The following PIWIL2 variants were observed in gnomAD, a reference collection of about 807,000 sequenced individuals.
The protein encoded by PIWIL2 is piwi-like protein 2.
Under a neutral mutation model 116.5 loss-of-function variants are expected in PIWIL2, and 81 were observed. That is an observed-to-expected ratio of 0.70 (90% CI 0.58 to 0.84). The LOEUF is 0.84. PIWIL2 is among the 40% of genes least tolerant of loss of function. The pLI, the probability that PIWIL2 is intolerant of heterozygous loss-of-function variation, is 0.00. For missense variants in PIWIL2, 1,272 were observed against 1,212.3 expected, an observed-to-expected ratio of 1.05 and a Z score of -0.73; for synonymous variants, 489 against 429.5, an observed-to-expected ratio of 1.14 and a Z score of -1.71.
At chr8:22,355,101 CAAA>C (rs560160338) in intron 22 of PIWIL2, among the ~76,000 whole-genome samples, 1 of 141,088 alleles carries the variant, frequency 7.1e-6, no homozygotes, top group African/African-American at 2.8e-5. Context: ...ACAACAACAA[CAAA>C]AAAAAAACAG....
intron 6 of PIWIL2, among the ~76,000 whole-genome samples, chr8:22,285,075 T>C (rs1258029276): frequency 6.6e-6 from 1 of 152,226 alleles, no homozygotes; most frequent in African/African-American, 2.4e-5. Flanking sequence ...ACCTACTTAC[T>C]GTTTTTTTGT....
intron 7 of PIWIL2, among the ~76,000 whole-genome samples, chr8:22,288,270 C>T (rs1404841077): frequency 7.0e-6 from 1 of 142,862 alleles, no homozygotes; most frequent in Non-Finnish European, 1.5e-5. Flanking sequence ...TGCACTCCAG[C>T]CTGGGTGACA....
At chr8:22,314,257 G>C in intron 16 of PIWIL2, 71 bp from the exon 17 acceptor site, 2 of 710,428 alleles carry the variant, frequency 2.8e-6, no homozygotes, top group Non-Finnish European at 4.4e-6. Context: ...TCAGAATACT[G>C]CCAACTAGAG....
At chr8:22,322,640 T>C (rs1426259548) in intron 20 of PIWIL2, among the ~76,000 whole-genome samples, 4 of 150,392 alleles carry the variant, frequency 2.7e-5, no homozygotes, top group Non-Finnish European at 5.9e-5. Flanking sequence ...TTTCCTTTCC[T>C]TGTCCTGTCC....
rs1832229785 is a variant in PIWIL2 at position 22,346,491 on chromosome 8, CCTGAGTTGTA to C, written c.2404-6467_2404-6458del. Among the ~76,000 whole-genome samples the C allele has an allele frequency of 1.3e-5, 2 of 152,126 alleles. 1 individual carries two copies. The highest frequency in any genetic ancestry group is 2.9e-5 in the Non-Finnish European group (2 of 68,028). The stretch of plus-strand genomic sequence containing the variant: ...TATTTTGCCCAGCTTTTCCAGTTGT[CCTGAGTTGTA>C]GGGCTTCTCAGAATTCATGGTTCAC... On this transcript the variant is annotated intron_variant, in intron 20 of 22. Coordinates refer to ENST00000356766, the MANE Select transcript of PIWIL2 (RefSeq NM_018068.5).
intron 10 of PIWIL2, among the ~76,000 whole-genome samples, chr8:22,295,315 A>T (rs1289929329): frequency 6.8e-6 from 1 of 148,000 alleles, no homozygotes; most frequent in Non-Finnish European, 1.5e-5. Flanking sequence ...CTGGGGCTAC[A>T]GGCTTGTGCC....
chr8:22,279,631 G>A, intron 2 of PIWIL2, 47 bp downstream of exon 2: 3 of 1,520,186 alleles, frequency 2.0e-6, no homozygotes, highest in Non-Finnish European at 1.8e-6. Context: ...GCTTACCTGT[G>A]TGCCGTCAGA....
chr8:22,316,129 A>C lies in PIWIL2; in HGVS notation c.2209-116A>C, dbSNP rs1487910028. 4.9e-6 allele frequency: 3 copies of C among 618,506 alleles called. 1 individual carries two copies. The highest frequency in any genetic ancestry group is 8.7e-6 in the Non-Finnish European group (3 of 344,288). The allele number at this position is 618,506 out of a possible 1,614,324, so 38.3% of individuals were successfully genotyped here. On this transcript the variant is annotated intron_variant, in intron 18 of 22. Transcript: ENST00000356766. ...CTTTTTTTTTTCTTTCCCAGAACTT[A>C]CTTTCATGTATAAACAGTAAGGGGA...
At chr8:22,279,295 A>G (rs1296977003) in intron 1 of PIWIL2, 46 bp from the exon 2 acceptor site, 3 of 1,056,554 alleles carry the variant, frequency 2.8e-6, no homozygotes, top group Middle Eastern at 2.0e-4. Context: ...GTCTTGAAGG[A>G]AAAGGAAAAC....
At chr8:22,283,598 A>G (rs933000183) in intron 5 of PIWIL2, among the ~76,000 whole-genome samples, 2 of 152,146 alleles carry the variant, frequency 1.3e-5, no homozygotes, top group East Asian at 1.9e-4. Flanking sequence ...TTTAGTAGAG[A>G]TGGGGTCTCA....
intron 16 of PIWIL2, among the ~76,000 whole-genome samples, chr8:22,312,298 C>T (rs1280640722): frequency 6.6e-6 from 1 of 151,374 alleles, no homozygotes; most frequent in Non-Finnish European, 1.5e-5. Flanking sequence ...TAGGATTTTA[C>T]TCTGTCACCC....
intron 14 of PIWIL2, among the ~76,000 whole-genome samples, chr8:22,308,644 A>C (rs1586563667): frequency 6.6e-6 from 1 of 152,214 alleles, no homozygotes; most frequent in East Asian, 1.9e-4. Flanking sequence ...CAGAGGGAGA[A>C]TCCATCTCAA....
At chr8:22,336,146 A>G (rs1384224587) in intron 20 of PIWIL2, among the ~76,000 whole-genome samples, 3 of 152,192 alleles carry the variant, frequency 2.0e-5, no homozygotes, top group East Asian at 1.9e-4. Context: ...TAGTCTGACT[A>G]TACCTAACAG....
chr8:22,289,745 T>C (rs1003860707), intron 8 of PIWIL2, 102 bp from the exon 9 acceptor site: 7 of 721,900 alleles, frequency 9.7e-6, no homozygotes, highest in African/African-American at 1.8e-5. Context: ...AGCACAAACA[T>C]TTCTAACCGT....
chr8:22,331,494 A>C (rs1256889051), intron 20 of PIWIL2, among the ~76,000 whole-genome samples: 1 of 152,148 alleles, frequency 6.6e-6, no homozygotes, highest in Non-Finnish European at 1.5e-5. Context: ...AAAAATAAAA[A>C]TGACTTTTAC....
At chr8:22,278,029 A>G (rs1309441981) in intron 1 of PIWIL2, among the ~76,000 whole-genome samples, 4 of 152,100 alleles carry the variant, frequency 2.6e-5, no homozygotes, top group Non-Finnish European at 1.5e-5. Context: ...TTAGCCGAGC[A>G]TGGTGCTGCA....
At chr8:22,298,512 C>T (rs185651915) in intron 10 of PIWIL2, among the ~76,000 whole-genome samples, 63 of 152,272 alleles carry the variant, frequency 4.1e-4, no homozygotes, top group African/African-American at 1.5e-3. Context: ...AGTCACACCT[C>T]AGATGGTTGT....
chr8:22,317,726 C>T (rs1831495501), intron 19 of PIWIL2, among the ~76,000 whole-genome samples: 1 of 152,060 alleles, frequency 6.6e-6, no homozygotes, highest in Non-Finnish European at 1.5e-5. Context: ...ATGGCACAGT[C>T]TCAGCTCACT....
At chr8:22,314,978 A>T in intron 17 of PIWIL2, 51 bp from the exon 18 acceptor site, 1 of 909,910 alleles carries the variant, frequency 1.1e-6, no homozygotes, top group Non-Finnish European at 1.8e-6. Context: ...ATTTTCTGAG[A>T]GGTTGATAGT....
Sources: gnomAD v4.1 joint callset for allele counts (sites outside exome capture counted in the v4.1 genomes callset) on GRCh38, gnomAD v4.1.1 for gene constraint, MANE v1.5 for transcripts, NCBI Gene and HGNC (gene_info 2026-07-23, HGNC 2026-07-21) for gene names.